TBCK: variants seen among roughly 807,000 people sequenced by gnomAD.
TBCK encodes TBC domain-containing protein kinase-like protein.
In TBCK, 99 loss-of-function variants were observed where a neutral mutation model predicts 113.4. The observed-to-expected ratio is 0.87, with a 90% confidence interval of 0.74 to 1.03. The LOEUF (loss-of-function observed/expected upper bound fraction) is 1.03, where lower values mean the gene tolerates loss of function less well. Ranked by LOEUF, TBCK falls within the 50% of genes least tolerant of loss-of-function variation. The pLI is 0.00. For missense variants in TBCK, 1,045 were observed against 1,061.3 expected, an observed-to-expected ratio of 0.98 and a Z score of 0.21; for synonymous variants, 369 against 370.8, an observed-to-expected ratio of 1.00 and a Z score of 0.05.
chr4:106,166,435 G>C (rs946012626), intron 23 of TBCK, among the ~76,000 whole-genome samples: 1 of 151,640 alleles, frequency 6.6e-6, no homozygotes, highest in African/African-American at 2.4e-5. Flanking sequence ...TGATTAAATA[G>C]CAGACAGGAG....
intron 1 of TBCK, among the ~76,000 whole-genome samples, chr4:106,314,616 A>ATTTTT (rs869091052): frequency 7.8e-5 from 8 of 102,060 alleles, no homozygotes; most frequent in East Asian, 3.1e-4. Context: ...ATACTACTTG[A>ATTTTT]TTTTTTTTTT....
intron 2 of TBCK, among the ~76,000 whole-genome samples, chr4:106,308,554 T>C (rs972151209): frequency 6.6e-6 from 1 of 152,090 alleles, no homozygotes; most frequent in Non-Finnish European, 1.5e-5. Context: ...TTGTATGCAA[T>C]AGCCTAGTAA....
chr4:106,242,594 T>G, intron 11 of TBCK, 25 bp from the exon 12 acceptor site: 80 of 1,462,012 alleles, frequency 5.5e-5, no homozygotes, highest in Non-Finnish European at 7.0e-5. Flanking sequence ...TTAAAAATAA[T>G]ATGTACACAA....
intron 25 of TBCK, among the ~76,000 whole-genome samples, chr4:106,050,878 T>G (rs1734730419): frequency 6.6e-6 from 1 of 151,960 alleles, no homozygotes; most frequent in Non-Finnish European, 1.5e-5. Flanking sequence ...TTTTCACAGT[T>G]CCTCTGGTTT....
At chr4:106,127,665 G>C (rs1479981672) in intron 23 of TBCK, among the ~76,000 whole-genome samples, 1 of 152,032 alleles carries the variant, frequency 6.6e-6, no homozygotes. Context: ...GTGTGTGTGT[G>C]CATGTTTGTG....
chr4:106,280,248 A>G (rs1764451467), intron 3 of TBCK, among the ~76,000 whole-genome samples: 1 of 151,952 alleles, frequency 6.6e-6, no homozygotes, highest in East Asian at 1.9e-4. Context: ...AGAAGTGTCT[A>G]CTCAAATCTT....
At chr4:106,107,102 A>G (rs1302900343) in intron 24 of TBCK, among the ~76,000 whole-genome samples, 1 of 152,190 alleles carries the variant, frequency 6.6e-6, no homozygotes, top group Non-Finnish European at 1.5e-5. Context: ...CTAAATATAT[A>G]TGAACCCAAT....
chr4:106,233,517 TCA>T, intron 16 of TBCK, 69 bp downstream of exon 16: 1 of 1,239,538 alleles, frequency 8.1e-7, no homozygotes, highest in South Asian at 1.3e-5. Context: ...GAGGCTTTCT[TCA>T]TGCTCCTTCC....
chr4:106,173,529 T>C (rs566691034), intron 22 of TBCK, among the ~76,000 whole-genome samples: 1 of 152,234 alleles, frequency 6.6e-6, no homozygotes, highest in South Asian at 2.1e-4. Flanking sequence ...GGTGAGTCAG[T>C]GATCTAGAGT....
intron 25 of TBCK, among the ~76,000 whole-genome samples, chr4:106,065,331 T>A (rs1436485207): frequency 6.6e-6 from 1 of 152,050 alleles, no homozygotes; most frequent in Non-Finnish European, 1.5e-5. Flanking sequence ...CCTGCTGGCA[T>A]GTTTTGTTTC....
chr4:106,095,691 G>A lies in TBCK; in HGVS notation c.2412-50C>T, dbSNP rs756130434. The A allele has an allele frequency of 2.6e-6, 4 of 1,539,512 alleles. No homozygotes were observed. The South Asian group carries it at 4.8e-5, about 19-fold the overall frequency. ...CATTTATTTGTGTGCAATCCTGAGT[G>A]TCTGAGGGAAACTCACAGAGCTAAG... is the stretch of plus-strand genomic sequence containing the variant. On this transcript the variant is annotated intron_variant, in intron 24 of 25. Coordinates refer to ENST00000394708, the MANE Select transcript of TBCK (RefSeq NM_001163435.3).
chr4:106,290,205 T>C (rs1383812907), intron 3 of TBCK, among the ~76,000 whole-genome samples: 3 of 152,046 alleles, frequency 2.0e-5, no homozygotes, highest in African/African-American at 7.2e-5. Flanking sequence ...AGAGATGGAG[T>C]TTCACTCTGT....
At chr4:106,250,247 G>A (rs1379170444) in intron 7 of TBCK, among the ~76,000 whole-genome samples, 171 bp downstream of exon 7, 1 of 151,958 alleles carries the variant, frequency 6.6e-6, no homozygotes, top group Non-Finnish European at 1.5e-5. Context: ...TATTTTAGAA[G>A]GGACCTCATA....
At chr4:106,084,450 A>T (rs544508051) in intron 25 of TBCK, among the ~76,000 whole-genome samples, 186 of 152,314 alleles carry the variant, frequency 1.2e-3, no homozygotes, top group African/African-American at 4.1e-3. Flanking sequence ...AAAAGACTGA[A>T]CCTATGATCG....
At chr4:106,303,621 G>C (rs1767187155) in intron 2 of TBCK, among the ~76,000 whole-genome samples, 1 of 152,042 alleles carries the variant, frequency 6.6e-6, no homozygotes, top group Non-Finnish European at 1.5e-5. Context: ...CTTGAAAACT[G>C]AGTTCTCAGC....
At chr4:106,062,275 T>A (rs533103223) in intron 25 of TBCK, among the ~76,000 whole-genome samples, 2 of 152,004 alleles carry the variant, frequency 1.3e-5, no homozygotes, top group South Asian at 4.1e-4. Flanking sequence ...AAAACAATTC[T>A]TGTTCTTAAA....
At chr4:106,299,766 A>G (rs1228143724) in intron 2 of TBCK, among the ~76,000 whole-genome samples, 5 of 152,236 alleles carry the variant, frequency 3.3e-5, no homozygotes, top group African/African-American at 4.8e-5. Flanking sequence ...AGGAATCATA[A>G]TGTGCCAAAT....
rs957004398 is a variant in TBCK, at chr4:106,193,826, A to G, written c.1898-56T>C. ...AAAAACCAAAATAACAATTAAAACA[A>G]TAACAACTTACTTTACTAGTTCTAT... On this transcript the variant is annotated intron_variant, in intron 21 of 25. Transcript: ENST00000394708. The G allele has an allele frequency of 2.6e-5, 31 of 1,172,036 alleles. No individual in the cohort carries two copies. In the African/African-American group the frequency reaches 3.2e-4, roughly 12 times the overall value. The allele number at this position is 1,172,036 out of a possible 1,614,324, so 72.6% of individuals were successfully genotyped here.
At chr4:106,311,887 TAAC>T (rs1478114055) in intron 1 of TBCK, among the ~76,000 whole-genome samples, 1 of 152,108 alleles carries the variant, frequency 6.6e-6, no homozygotes, top group Non-Finnish European at 1.5e-5. Context: ...AAAAAAATAA[TAAC>T]CTCAACTTCT....
Sources: gnomAD v4.1 joint callset for allele counts (sites outside exome capture counted in the v4.1 genomes callset) on GRCh38, gnomAD v4.1.1 for gene constraint, MANE v1.5 for transcripts, NCBI Gene and HGNC (gene_info 2026-07-23, HGNC 2026-07-21) for gene names.